The following PCDH7 variants were observed in gnomAD, a reference collection of about 807,000 sequenced individuals.
The protein encoded by PCDH7 is protocadherin-7.
In PCDH7, 17 loss-of-function variants were observed where a neutral mutation model predicts 58.9. That is an observed-to-expected ratio of 0.29 (90% CI 0.20 to 0.43). PCDH7 has a LOEUF of 0.43. PCDH7 is among the 20% of genes least tolerant of loss of function. The pLI is 1.00. For missense variants in PCDH7, 1,274 were observed against 1,441.0 expected (o/e 0.88, Z 1.88); for synonymous variants, 664 against 616.4 (o/e 1.08, Z -1.14).
At chr4:31,082,249 T>C (rs1320807847) in intron 3 of PCDH7, among the ~76,000 whole-genome samples, 1 of 152,184 alleles carries the variant, frequency 6.6e-6, no homozygotes, top group Non-Finnish European at 1.5e-5. Flanking sequence ...TTACAGCTTA[T>C]TTCCTGTTCT....
At chr4:30,754,631 G>A (rs1034256197) in intron 1 of PCDH7, among the ~76,000 whole-genome samples, 1 of 152,034 alleles carries the variant, frequency 6.6e-6, no homozygotes. Context: ...CAGGGAAATA[G>A]GTAAGACATT....
chr4:30,798,813 G>A (rs1346633831), intron 1 of PCDH7, among the ~76,000 whole-genome samples: 1 of 152,090 alleles, frequency 6.6e-6, no homozygotes, highest in African/African-American at 2.4e-5. Context: ...AACTGTTCAA[G>A]TTATAAACTG....
chr4:30,902,796 C>T (rs937852086), intron 1 of PCDH7, among the ~76,000 whole-genome samples: 11 of 152,064 alleles, frequency 7.2e-5, no homozygotes, highest in African/African-American at 2.7e-4. Context: ...TGTAAACAGG[C>T]TTAGAAAGCC....
intron 1 of PCDH7, among the ~76,000 whole-genome samples, chr4:30,779,018 T>TTG (rs1330667087): frequency 2.1e-5 from 3 of 145,380 alleles, no homozygotes; most frequent in Non-Finnish European, 4.5e-5. Flanking sequence ...TTTTTTTTTT[T>TTG]TTTTTTTTTT....
intron 1 of PCDH7, among the ~76,000 whole-genome samples, chr4:30,866,826 T>A (rs1210985962): frequency 6.6e-6 from 1 of 152,134 alleles, no homozygotes; most frequent in Non-Finnish European, 1.5e-5. Flanking sequence ...ATGAAACCCT[T>A]CTGCAGCCAT....
intron 3 of PCDH7, among the ~76,000 whole-genome samples, chr4:31,001,375 A>G (rs1219424840): frequency 6.6e-6 from 1 of 152,172 alleles, no homozygotes; most frequent in African/African-American, 2.4e-5. Flanking sequence ...CATTAAACAC[A>G]TGCTTATATA....
chr4:30,951,130 A>C (rs1258182338), intron 3 of PCDH7, among the ~76,000 whole-genome samples: 1 of 152,190 alleles, frequency 6.6e-6, no homozygotes, highest in Admixed American at 6.5e-5. Context: ...CAGATGACTT[A>C]GAAAAATAGT....
At chr4:30,789,997 CTT>C (rs902083593) in intron 1 of PCDH7, among the ~76,000 whole-genome samples, 7 of 152,134 alleles carry the variant, frequency 4.6e-5, no homozygotes, top group African/African-American at 1.7e-4. Context: ...CAACTGAAAA[CTT>C]ATGTGCAGAA....
intron 2 of PCDH7, among the ~76,000 whole-genome samples, chr4:30,940,537 CAA>C (rs1745903933): frequency 6.6e-6 from 1 of 151,898 alleles, no homozygotes; most frequent in Admixed American, 6.6e-5. Context: ...TACACTAAGA[CAA>C]AGATTTAGTT....
intron 1 of PCDH7, among the ~76,000 whole-genome samples, chr4:30,797,292 AG>A (rs1202343089): frequency 5.3e-5 from 8 of 150,942 alleles, no homozygotes; most frequent in Admixed American, 4.6e-4. Context: ...GGTTTTTTTG[AG>A]ACGGAGTCTT....
At chr4:30,999,881 G>T (rs1752216287) in intron 3 of PCDH7, among the ~76,000 whole-genome samples, 1 of 152,076 alleles carries the variant, frequency 6.6e-6, no homozygotes, top group Non-Finnish European at 1.5e-5. Flanking sequence ...AAACATTTGT[G>T]TTAATACCGA....
chr4:30,740,833 T>C (rs1000366475), intron 1 of PCDH7, among the ~76,000 whole-genome samples: 7 of 152,208 alleles, frequency 4.6e-5, no homozygotes, highest in African/African-American at 1.7e-4. Flanking sequence ...TTAAAAAATA[T>C]CATTTTACTT....
chr4:31,007,877 A>G (rs1752898510), intron 3 of PCDH7, among the ~76,000 whole-genome samples: 1 of 152,168 alleles, frequency 6.6e-6, no homozygotes, highest in Non-Finnish European at 1.5e-5. Context: ...TGAAAAGTGA[A>G]TTACAGAATC....
Position 30,723,363 on chromosome 4 carries a change from T to C in PCDH7, c.1941T>C (p.Tyr647=), listed in dbSNP as rs1448611774. 1 of 1,614,232 alleles carries C rather than the reference T, an allele frequency of 6.2e-7. No individual in the cohort carries two copies. The highest frequency in any genetic ancestry group is 1.1e-5 in the South Asian group (1 of 91,084). Residue 647 remains tyrosine, a synonymous_variant, in exon 1 of 2, where the codon TAT becomes TAC. Transcript: ENST00000361762. This position sits in a 1 kb window ranked among gnomAD's most constrained non-coding sequence, Gnocchi z 4.6. The stretch of plus-strand genomic sequence containing the variant: ...TTATGCAGGACGTCTTCACCTTTTA[T>C]GTGAAAGAAAACTTGCAGCCCAACA...
chr4:30,993,039 T>A (rs545153682), intron 3 of PCDH7, among the ~76,000 whole-genome samples: 17 of 152,250 alleles, frequency 1.1e-4, no homozygotes, highest in African/African-American at 3.9e-4. Flanking sequence ...CCTCAGGTGA[T>A]CTGCCCGTCT....
chr4:31,145,566 T>A (rs1466518048), downstream of PCDH7: 4 of 152,078 alleles, frequency 2.6e-5, no homozygotes, highest in Admixed American at 2.0e-4. Flanking sequence ...GTTTGGACAA[T>A]GAGGGGAAAT....
chr4:30,816,571 A>G (rs1268615438), intron 1 of PCDH7, among the ~76,000 whole-genome samples: 1 of 151,894 alleles, frequency 6.6e-6, no homozygotes. Flanking sequence ...CTTCTCTTAA[A>G]TTTGGGGAGT....
chr4:31,034,042 G>A (rs568014125), intron 3 of PCDH7, among the ~76,000 whole-genome samples: 1 of 152,044 alleles, frequency 6.6e-6, no homozygotes, highest in African/African-American at 2.4e-5. Flanking sequence ...TGCAGTGCGT[G>A]GAAATCACAC....
At chr4:30,820,911 G>A (rs1050105868) in intron 1 of PCDH7, among the ~76,000 whole-genome samples, 7 of 152,014 alleles carry the variant, frequency 4.6e-5, no homozygotes, top group Admixed American at 2.0e-4. Flanking sequence ...TTTAAGTACA[G>A]GTTCTCACCT....
Sources: allele counts gnomAD v4.1 joint callset (sites outside exome capture counted in the v4.1 genomes callset), GRCh38; gene constraint gnomAD v4.1.1; non-coding constraint Gnocchi (gnomAD v3.1); transcripts MANE v1.5; gene names NCBI Gene and HGNC (gene_info 2026-07-23, HGNC 2026-07-21).